Variants in CLMP observed in about 807,000 individuals in gnomAD.
CLMP encodes the protein CXADR-like membrane protein.
CLMP carries 27 observed loss-of-function variants against 45.2 expected under a neutral mutation model. The ratio of observed to expected loss-of-function variants is 0.60; its 90% CI spans 0.44 to 0.82. The LOEUF (loss-of-function observed/expected upper bound fraction) is 0.82. Among genes scored for constraint, CLMP ranks in the 40% least tolerant of loss-of-function variants. The pLI is 0.00. For missense variants in CLMP, 403 were observed against 448.4 expected (o/e 0.90, Z 0.91); for synonymous variants, 167 against 171.4 (o/e 0.97, Z 0.20).
intron 1 of CLMP, among the ~76,000 whole-genome samples, chr11:123,105,521 C>T (rs1295733633): frequency 6.6e-6 from 1 of 151,768 alleles, no homozygotes; most frequent in Non-Finnish European, 1.5e-5. Flanking sequence ...ACCTCCGCCT[C>T]CTGGGTTCAA....
At chr11:123,156,258 A>G (rs77348328) in intron 1 of CLMP, among the ~76,000 whole-genome samples, 3,487 of 152,288 alleles carry the variant, frequency 0.023, 111 homozygotes, top group African/African-American at 0.078. Context: ...TGAATTTGTC[A>G]GCACCTTGCT....
chr11:123,124,122 T>A (rs963995287), intron 1 of CLMP, among the ~76,000 whole-genome samples: 5 of 152,152 alleles, frequency 3.3e-5, no homozygotes, highest in Non-Finnish European at 7.3e-5. Flanking sequence ...CCTGTTATAT[T>A]TTTTTGGTTG....
At chr11:123,137,334 T>A (rs552577342) in intron 1 of CLMP, among the ~76,000 whole-genome samples, 115 of 150,442 alleles carry the variant, frequency 7.6e-4, no homozygotes, top group African/African-American at 2.7e-3. Flanking sequence ...TTTGTATTTT[T>A]AGTAGAGACG....
intron 5 of CLMP, 78 bp downstream of exon 5, chr11:123,083,007 T>C (rs1865823279): frequency 5.2e-6 from 8 of 1,541,174 alleles, no homozygotes; most frequent in African/African-American, 1.4e-5. Context: ...CTCTTACTTA[T>C]GATTAGAATG....
intron 1 of CLMP, among the ~76,000 whole-genome samples, chr11:123,101,369 A>ATCTC (rs1454344848): frequency 1.3e-5 from 2 of 152,186 alleles, no homozygotes; most frequent in Non-Finnish European, 2.9e-5. Context: ...GGCCTCCCAA[A>ATCTC]GTGCTGGGAT....
At chr11:123,179,088 G>A (rs1861734655) in intron 1 of CLMP, among the ~76,000 whole-genome samples, 1 of 152,150 alleles carries the variant, frequency 6.6e-6, no homozygotes, top group African/African-American at 2.4e-5. Context: ...CACCCAGCCT[G>A]ATAAATGTTT....
intron 1 of CLMP, among the ~76,000 whole-genome samples, chr11:123,154,200 C>T (rs931395333): frequency 6.6e-6 from 1 of 152,196 alleles, no homozygotes; most frequent in African/African-American, 2.4e-5. Flanking sequence ...CTCTCACCCC[C>T]TCCTCCATGC....
chr11:123,126,868 G>T (rs568501151), intron 1 of CLMP, among the ~76,000 whole-genome samples: 1 of 151,586 alleles, frequency 6.6e-6, no homozygotes, highest in African/African-American at 2.4e-5. Flanking sequence ...CTGCACTCCA[G>T]CCTGGGCGAG....
At chr11:123,191,045 G>T (rs1861899885) in intron 1 of CLMP, among the ~76,000 whole-genome samples, 1 of 152,210 alleles carries the variant, frequency 6.6e-6, no homozygotes, top group African/African-American at 2.4e-5. Context: ...AGGTCTCAAT[G>T]AGGTCTTAAA....
Position 123,085,179 on chromosome 11 carries a change from A to C in CLMP, c.187-466T>G, listed in dbSNP as rs868077171. 7.2e-3 allele frequency among the ~76,000 whole-genome samples: 925 copies of C among 129,274 alleles called. 7 individuals carry two copies. The highest frequency in any genetic ancestry group is 0.028 in the African/African-American group (864 of 30,368). 84.8% of individuals were successfully genotyped at this position (129,274 alleles called of 152,430 possible). A position where few individuals can be genotyped will look rare whatever the true frequency, so the allele number is the denominator to read the frequency against. On this transcript the variant is annotated intron_variant, in intron 2 of 6. Coordinates refer to ENST00000448775, the MANE Select transcript of CLMP (RefSeq NM_024769.5). ...AACGATGTCGGCAAACCTGCCTCCC[A>C]TTCTTTTTTTTTTTTTTTTTTAAGT...
chr11:123,194,092 C>G (rs949851380), intron 1 of CLMP, among the ~76,000 whole-genome samples: 2 of 152,046 alleles, frequency 1.3e-5, no homozygotes, highest in Non-Finnish European at 2.9e-5. Flanking sequence ...CCACCCACAT[C>G]CCTGATGTCC....
At chr11:123,127,087 A>G (rs1373047280) in intron 1 of CLMP, among the ~76,000 whole-genome samples, 1 of 152,088 alleles carries the variant, frequency 6.6e-6, no homozygotes, top group Non-Finnish European at 1.5e-5. Context: ...CTATGAACAT[A>G]TAATTCCATC....
At chr11:123,193,125 A>C (rs1313591302) in intron 1 of CLMP, 1 of 152,256 alleles carries the variant, frequency 6.6e-6, no homozygotes, top group Non-Finnish European at 1.5e-5. Context: ...CAGCCACAGG[A>C]GGCTGTAAAG....
chr11:123,170,709 G>A (rs1174758133), intron 1 of CLMP, among the ~76,000 whole-genome samples: 1 of 152,200 alleles, frequency 6.6e-6, no homozygotes, highest in African/African-American at 2.4e-5. Context: ...CCAATGTGCT[G>A]GGATTACAGG....
At chr11:123,112,485 C>T (rs1369431096) in intron 1 of CLMP, among the ~76,000 whole-genome samples, 1 of 151,524 alleles carries the variant, frequency 6.6e-6, no homozygotes, top group African/African-American at 2.4e-5. Flanking sequence ...TTACAGGTGC[C>T]CGCTACCACG....
chr11:123,137,132 TC>T (rs373264357), intron 1 of CLMP, among the ~76,000 whole-genome samples: 12 of 127,078 alleles, frequency 9.4e-5, no homozygotes, highest in African/African-American at 3.3e-4. Flanking sequence ...CAGACCTTTC[TC>T]TTTTTTTCTT....
At position 123,073,450 on chromosome 11, in the gene CLMP, C is replaced by G. The variant is rs765979424; in HGVS notation, c.*24G>C. ...CCAAAGACCCTGACTCCTAGGAAAG[C>G]GTGGGAGTCAAGTCCATTGTAATTC... On this transcript the variant is annotated 3_prime_UTR_variant, in exon 7 of 7. Coordinates refer to ENST00000448775, the MANE Select transcript of CLMP (RefSeq NM_024769.5). 6.3e-7 allele frequency: 1 copy of G among 1,578,652 alleles called. No homozygotes were observed. Among genetic ancestry groups the G allele is most frequent in the African/African-American group, 1.4e-5 (1 of 73,964 alleles).
chr11:123,112,923 G>A (rs745673951), intron 1 of CLMP, among the ~76,000 whole-genome samples: 22 of 151,868 alleles, frequency 1.4e-4, no homozygotes, highest in Non-Finnish European at 2.4e-4. Flanking sequence ...ACAGGTGCCC[G>A]CCACCACGCC....
At chr11:123,104,050 A>C (rs190897312) in intron 1 of CLMP, among the ~76,000 whole-genome samples, 4 of 150,222 alleles carry the variant, frequency 2.7e-5, no homozygotes, top group African/African-American at 4.9e-5. Context: ...AGCTGGTTTC[A>C]AACTCCTGAC....
Sources: gnomAD v4.1 joint callset for allele counts (sites outside exome capture counted in the v4.1 genomes callset) on GRCh38, gnomAD v4.1.1 for gene constraint, MANE v1.5 for transcripts, NCBI Gene and HGNC (gene_info 2026-07-23, HGNC 2026-07-21) for gene names.